The following GABARAP variants were observed in gnomAD, a reference collection of about 807,000 sequenced individuals.
GABARAP encodes gamma-aminobutyric acid receptor-associated protein.
A neutral mutation model predicts 16.7 loss-of-function variants in GABARAP; 5 were observed. The ratio of observed to expected loss-of-function variants is 0.30; its 90% CI spans 0.16 to 0.63. The LOEUF (loss-of-function observed/expected upper bound fraction) is 0.63. GABARAP is among the 20% of genes least tolerant of loss of function. The pLI is 0.82. For missense variants in GABARAP, 84 were observed against 146.6 expected (o/e 0.57, Z 2.21); for synonymous variants, 45 against 52.7 (o/e 0.85, Z 0.64).
At position 7,242,285 on chromosome 17, in the gene GABARAP, A is replaced by G; in HGVS notation, c.46T>C (p.Ser16Pro). Residue 16 changes from serine to proline, a missense_variant, in exon 1 of 4, where the codon TCT (serine) becomes CCT (proline). Ser to Pro is a moderately conservative substitution (Grantham distance 74). Coordinates refer to ENST00000302386, the MANE Select transcript of GABARAP (RefSeq NM_007278.2). ...KEEHPFEKRR[S>P]EGEKIRKKYP... ...TTCTTTCGGATCTTCTCGCCCTCAG[A>G]GCGGCGCTTCTCGAACGGATGCTCT... 1 of 1,613,818 alleles carries G rather than the reference A, an allele frequency of 6.2e-7. No homozygotes were observed. The highest frequency in any genetic ancestry group is 1.1e-5 in the South Asian group (1 of 91,082).
At chr17:7,241,908 CTTAA>C (rs1158139239) in intron 1 of GABARAP, 1 of 576,822 alleles carries the variant, frequency 1.7e-6, no homozygotes, top group Admixed American at 3.2e-5. Flanking sequence ...AAACAACTAT[CTTAA>C]TCAGACGGAG....
At position 7,240,699 on chromosome 17, in the gene GABARAP, C is replaced by A; in HGVS notation, c.*155G>T. ...GATGCCAACTCCACCATTACCCCTC[C>A]TAAGAGAGGCTGGAGAGAAAGCCAC... On this transcript the variant is annotated 3_prime_UTR_variant, in exon 4 of 4. Transcript: ENST00000302386. 1.6e-6 allele frequency: 1 copy of A among 627,172 alleles called. No homozygotes were observed. The highest frequency in any genetic ancestry group is 2.9e-6 in the Non-Finnish European group (1 of 347,152). 38.9% of individuals were successfully genotyped at this position (627,172 alleles called of 1,614,324 possible).
intron 1 of GABARAP, 42 bp from the exon 2 acceptor site, chr17:7,241,721 C>T (rs1157189691): frequency 9.5e-6 from 11 of 1,156,892 alleles, no homozygotes; most frequent in South Asian, 1.2e-5. Context: ...GGAATGCAGC[C>T]CCGAAGCTGC....
At position 7,241,402 on chromosome 17, in the gene GABARAP, C is replaced by T; in HGVS notation, c.228G>A (p.Leu76=). The change falls in exon 3 of 4, where the codon TTG becomes TTA. Residue 76 remains leucine (L), a synonymous_variant. Transcript: ENST00000302386. ...KRIHLRAEDA[L]FFFVNNVIPP... ...GAATGACATTGTTGACAAAGAAAAACAAGGCATCCTCAGCTCGGAGATGAA... is the reference window on the plus strand; with the variant it reads ...GAATGACATTGTTGACAAAGAAAAATAAGGCATCCTCAGCTCGGAGATGAA... The T allele has an allele frequency of 6.2e-7, 1 of 1,606,200 alleles. No homozygotes were observed. The highest frequency in any genetic ancestry group is 1.1e-5 in the South Asian group (1 of 90,964).
intron 3 of GABARAP, 171 bp downstream of exon 3, chr17:7,241,171 T>A (rs986443980): frequency 2.9e-6 from 2 of 683,652 alleles, no homozygotes; most frequent in African/African-American, 3.6e-5. Context: ...CTGTTCTCTT[T>A]CCTTCTCTCT....
rs2071786948 is a variant in GABARAP at position 7,242,383 on chromosome 17, G to A, written c.-53C>T. 3.6e-6 allele frequency: 5 copies of A among 1,378,400 alleles called. No individual in the cohort carries two copies. Among genetic ancestry groups the A allele is most frequent in the Non-Finnish European group, 4.1e-6 (4 of 975,660 alleles). The allele number at this position is 1,378,400 out of a possible 1,614,324, so 85.4% of individuals were successfully genotyped here. ...TGGGCTGAGGGAACCCAGGGGGGCC[G>A]GGACGGGGGGCGGCGACGACGGCGG... On this transcript the variant is annotated 5_prime_UTR_variant, in exon 1 of 4. Transcript: ENST00000302386.
rs576255825 is a variant in GABARAP at position 7,242,343 on chromosome 17, C to T, written c.-13G>A. On this transcript the variant is annotated 5_prime_UTR_variant, in exon 1 of 4. Coordinates refer to ENST00000302386, the MANE Select transcript of GABARAP (RefSeq NM_007278.2). ...ACACGAACTTCATCCTCCCGGGAAC[C>T]GGGCTGGACAGGGCTGGGCTGAGGG... 2.5e-6 allele frequency: 4 copies of T among 1,603,966 alleles called. No individual in the cohort carries two copies. The highest frequency in any genetic ancestry group is 1.1e-5 in the South Asian group (1 of 90,912).
In GABARAP at chr17:7,241,438, G is replaced by T. The variant is rs765360232; in HGVS notation, c.192C>A (p.Ile64=). 91 of 1,588,916 alleles carry T rather than the reference G, an allele frequency of 5.7e-5. 1 individual carries two copies. In the East Asian group the frequency reaches 2.0e-3, roughly 35 times the overall value. The stretch of plus-strand genomic sequence containing the variant: ...CAGCTCGGAGATGAATTCGCTTCCG[G>T]ATCAAGAAGTAGAACTGACCAACTG... ...DLTVGQFYFL[I]RKRIHLRAED... Residue 64 remains isoleucine (I), a synonymous_variant, in exon 3 of 4, where the codon ATC becomes ATA. Transcript: ENST00000302386.
At chr17:7,242,174 G>C in intron 1 of GABARAP, 67 bp downstream of exon 1, 1 of 990,404 alleles carries the variant, frequency 1.0e-6, no homozygotes, top group Non-Finnish European at 1.4e-6. Flanking sequence ...TGCCTGTCCC[G>C]ATCCAAGGCC....
Position 7,240,772 on chromosome 17 carries a change from T to C in GABARAP, c.*82A>G, listed in dbSNP as rs2071767705. 1.1e-6 allele frequency: 1 copy of C among 889,904 alleles called. No individual in the cohort carries two copies. Among genetic ancestry groups the C allele is most frequent in the Non-Finnish European group, 1.9e-6 (1 of 529,054 alleles). The allele number at this position is 889,904 out of a possible 1,614,324, so 55.1% of individuals were successfully genotyped here. A position where few individuals can be genotyped will look rare whatever the true frequency, so the allele number is the denominator to read the frequency against. On this transcript the variant is annotated 3_prime_UTR_variant, in exon 4 of 4. Transcript: ENST00000302386. ...TGAATAAGGGAGGTGGTGTTTGAGCTTGAAGGAGGAGGAGGTCAAGAAAGG... is the reference window on the plus strand; with the variant it reads ...TGAATAAGGGAGGTGGTGTTTGAGCCTGAAGGAGGAGGAGGTCAAGAAAGG...
Position 7,242,143 on chromosome 17 carries a change from C to T in GABARAP, c.90+98G>A, listed in dbSNP as rs769705532. ...AGGCTCGCTGCCAACCCCACCACAGCCAGCAGCCTGATCCCTGCGCTGCCT... is the reference window on the plus strand; with the variant it reads ...AGGCTCGCTGCCAACCCCACCACAGTCAGCAGCCTGATCCCTGCGCTGCCT... On this transcript the variant is annotated intron_variant, in intron 1 of 3. Coordinates refer to ENST00000302386, the MANE Select transcript of GABARAP (RefSeq NM_007278.2). 2.1e-5 allele frequency: 19 copies of T among 885,200 alleles called. 1 individual carries two copies. Among genetic ancestry groups the T allele is most frequent in the Non-Finnish European group, 3.4e-5 (19 of 551,864 alleles). The allele number at this position is 885,200 out of a possible 1,614,324, so 54.8% of individuals were successfully genotyped here.
At position 7,240,552 on chromosome 17, in the gene GABARAP, C is replaced by T. The variant is rs1057252143; in HGVS notation, c.*302G>A. On this transcript the variant is annotated 3_prime_UTR_variant, in exon 4 of 4. Coordinates refer to ENST00000302386, the MANE Select transcript of GABARAP (RefSeq NM_007278.2). Reference sequence around the variant, plus strand: ...TGGGGTTCTGAGCCCCTTGGGCAGTCAGAAAGGGAACAGAAACCAAAACAA... The same window carrying T: ...TGGGGTTCTGAGCCCCTTGGGCAGTTAGAAAGGGAACAGAAACCAAAACAA... The T allele has an allele frequency of 3.4e-6, 1 of 292,872 alleles. No homozygotes were observed. The highest frequency in any genetic ancestry group is 7.5e-5 in the East Asian group (1 of 13,412). The allele number at this position is 292,872 out of a possible 1,614,324, so 18.1% of individuals were successfully genotyped here.
chr17:7,242,174 G>A (rs1166479856), intron 1 of GABARAP, 67 bp downstream of exon 1: 4 of 990,404 alleles, frequency 4.0e-6, no homozygotes, highest in Non-Finnish European at 5.7e-6. Context: ...TGCCTGTCCC[G>A]ATCCAAGGCC....
At chr17:7,241,831 A>T in intron 1 of GABARAP, 152 bp from the exon 2 acceptor site, 1 of 642,742 alleles carries the variant, frequency 1.6e-6, no homozygotes, top group Non-Finnish European at 2.8e-6. Flanking sequence ...AGTCCCAGAG[A>T]TCCTGACCTC....
rs2071765508 is a variant in GABARAP at position 7,240,608 on chromosome 17, G to C, written c.*246C>G. The C allele has an allele frequency of 4.3e-6, 2 of 461,626 alleles. No homozygotes were observed. The highest frequency in any genetic ancestry group is 7.8e-6 in the Non-Finnish European group (2 of 256,554). 28.6% of individuals were successfully genotyped at this position (461,626 alleles called of 1,614,324 possible). On this transcript the variant is annotated 3_prime_UTR_variant, in exon 4 of 4. Coordinates refer to ENST00000302386, the MANE Select transcript of GABARAP (RefSeq NM_007278.2). ...GGATGTGACACAGACTGACAATCAA[G>C]AAGTCTACAGCAGGATGGGAAAGGC... is the stretch of plus-strand genomic sequence containing the variant.
intron 1 of GABARAP, 163 bp downstream of exon 1, chr17:7,242,078 C>T: frequency 1.6e-6 from 1 of 627,040 alleles, no homozygotes; most frequent in South Asian, 1.9e-5. Flanking sequence ...TCCACCACTA[C>T]CCCACTCCTT....
Position 7,242,387 on chromosome 17 carries a change from C to T in GABARAP, c.-57G>A. 1 of 1,022,672 alleles carries T rather than the reference C, an allele frequency of 9.8e-7. No homozygotes were observed. Among genetic ancestry groups the T allele is most frequent in the Non-Finnish European group, 1.4e-6 (1 of 700,108 alleles). The allele number at this position is 1,022,672 out of a possible 1,614,324, so 63.3% of individuals were successfully genotyped here. The stretch of plus-strand genomic sequence containing the variant: ...CTGAGGGAACCCAGGGGGGCCGGGA[C>T]GGGGGGCGGCGACGACGGCGGCGAC... On this transcript the variant is annotated 5_prime_UTR_variant, in exon 1 of 4. Coordinates refer to ENST00000302386, the MANE Select transcript of GABARAP (RefSeq NM_007278.2).
Position 7,242,210 on chromosome 17 carries a change from C to T in GABARAP, c.90+31G>A, listed in dbSNP as rs775360807. ...AGGCTGTGGCGTCAGCGTAAGCGTCCCGCGCCCTCGGCCCTGGCTACTGTC... is the reference window on the plus strand; with the variant it reads ...AGGCTGTGGCGTCAGCGTAAGCGTCTCGCGCCCTCGGCCCTGGCTACTGTC... On this transcript the variant is annotated intron_variant, in intron 1 of 3. Coordinates refer to ENST00000302386, the MANE Select transcript of GABARAP (RefSeq NM_007278.2). The T allele has an allele frequency of 1.6e-5, 24 of 1,526,690 alleles. No individual in the cohort carries two copies. The East Asian group carries it at 5.4e-4, about 34-fold the overall frequency. 94.6% of individuals were successfully genotyped at this position (1,526,690 alleles called of 1,614,324 possible).
Position 7,242,344 on chromosome 17 carries a change from G to A in GABARAP, c.-14C>T. On this transcript the variant is annotated 5_prime_UTR_variant, in exon 1 of 4. Coordinates refer to ENST00000302386, the MANE Select transcript of GABARAP (RefSeq NM_007278.2). ...CACGAACTTCATCCTCCCGGGAACCGGGCTGGACAGGGCTGGGCTGAGGGA... is the reference window on the plus strand; with the variant it reads ...CACGAACTTCATCCTCCCGGGAACCAGGCTGGACAGGGCTGGGCTGAGGGA... 3 of 1,600,074 alleles carry A rather than the reference G, an allele frequency of 1.9e-6. No individual in the cohort carries two copies. The highest frequency in any genetic ancestry group is 2.6e-6 in the Non-Finnish European group (3 of 1,167,598).
Sources: allele counts gnomAD v4.1 joint callset, GRCh38; gene constraint gnomAD v4.1.1; transcripts MANE v1.5; gene names NCBI Gene and HGNC (gene_info 2026-07-23, HGNC 2026-07-21).